Variants in TNRC6B observed in about 807,000 individuals in gnomAD.
The protein encoded by TNRC6B is trinucleotide repeat-containing gene 6B protein.
In TNRC6B, 52 loss-of-function variants were observed where a neutral mutation model predicts 203.6. The ratio of observed to expected loss-of-function variants is 0.26; its 90% CI spans 0.20 to 0.32. The LOEUF (loss-of-function observed/expected upper bound fraction) is 0.32. Among genes scored for constraint, TNRC6B ranks in the 10% least tolerant of loss-of-function variants. TNRC6B has a pLI of 1.00. For missense variants in TNRC6B, 1,923 were observed against 2,286.2 expected (o/e 0.84, Z 3.24); for synonymous variants, 838 against 845.7 (o/e 0.99, Z 0.16).
intron 9 of TNRC6B, among the ~76,000 whole-genome samples, chr22:40,278,729 T>C: frequency 6.6e-6 from 1 of 152,114 alleles, no homozygotes; most frequent in South Asian, 2.1e-4. Flanking sequence ...ACTGGCATTA[T>C]GATTTTTGTA....
intron 3 of TNRC6B, among the ~76,000 whole-genome samples, chr22:40,151,667 A>G (rs2068756786): frequency 6.6e-6 from 1 of 152,016 alleles, no homozygotes. Flanking sequence ...TCAAAGAACG[A>G]GGAAGAGCTC....
chr22:40,194,877 G>C lies in TNRC6B; in HGVS notation c.5+16737G>C, dbSNP rs185968887. 5.3e-3 allele frequency among the ~76,000 whole-genome samples: 807 copies of C among 152,338 alleles called. 2 individuals carry two copies. The highest frequency in any genetic ancestry group is 9.6e-3 in the Non-Finnish European group (656 of 68,040). ...AGGCGAACTGGTGTTTCCTGCTACA[G>C]AACACTGGTGCATCTGCAGTGGTTT... On this transcript the variant is annotated intron_variant, in intron 1 of 22. Transcript: ENST00000454349.
chr22:40,126,583 T>A lies in TNRC6B; in HGVS notation c.45+721T>A, dbSNP rs553151013. On this transcript the variant is annotated intron_variant, in intron 3 of 23. Coordinates refer to the TNRC6B transcript ENST00000301923. ...TTGCTACAAAGGACGTTATTTAATTTTTTTTTTTTTTTTTTTTTTTTTTTT... is the reference window on the plus strand; with the variant it reads ...TTGCTACAAAGGACGTTATTTAATTATTTTTTTTTTTTTTTTTTTTTTTTT... Among the ~76,000 whole-genome samples, 174 of 115,732 alleles carry A rather than the reference T, an allele frequency of 1.5e-3. 4 individuals carry two copies. The highest frequency in any genetic ancestry group is 8.3e-3 in the African/African-American group (160 of 19,176). 75.9% of individuals were successfully genotyped at this position (115,732 alleles called of 152,430 possible).
intron 1 of TNRC6B, among the ~76,000 whole-genome samples, chr22:40,091,539 T>A (rs1353889587): frequency 1.3e-5 from 2 of 152,216 alleles, no homozygotes; most frequent in Non-Finnish European, 2.9e-5. Context: ...GAATACTGGC[T>A]GATTACTTGA....
intron 9 of TNRC6B, among the ~76,000 whole-genome samples, chr22:40,279,693 C>G (rs985047535): frequency 2.6e-5 from 4 of 152,162 alleles, no homozygotes; most frequent in Admixed American, 6.5e-5. Flanking sequence ...GTTTTCTTAG[C>G]GAGATTTTTG....
chr22:40,284,407 T>G (rs2070757066), intron 11 of TNRC6B, among the ~76,000 whole-genome samples: 1 of 152,194 alleles, frequency 6.6e-6, no homozygotes, highest in Non-Finnish European at 1.5e-5. Flanking sequence ...TCCATGTGAT[T>G]CCAGGGTTAT....
intron 1 of TNRC6B, among the ~76,000 whole-genome samples, chr22:40,187,441 A>C (rs1468931871): frequency 6.6e-6 from 1 of 152,210 alleles, no homozygotes; most frequent in Non-Finnish European, 1.5e-5. Flanking sequence ...ACATTGGTAG[A>C]AGTTCCTAAA....
Position 40,266,365 on chromosome 22 carries a change from G to T in TNRC6B, c.2135G>T (p.Gly712Val). The T allele has an allele frequency of 6.2e-7, 1 of 1,612,304 alleles. No homozygotes were observed. Among genetic ancestry groups the T allele is most frequent in the South Asian group, 1.1e-5 (1 of 90,680 alleles). ...KNNNSSNWGGGRPDEKTPSSW... is the reference protein window; with the variant it reads ...KNNNSSNWGGVRPDEKTPSSW... ...AACAACTCTTCCAACTGGGGAGGAGGACGACCTGATGAAAAGACACCTTCC... is the reference window on the plus strand; with the variant it reads ...AACAACTCTTCCAACTGGGGAGGAGTACGACCTGATGAAAAGACACCTTCC... The change falls in exon 5 of 23, where the codon GGA becomes GTA. Residue 712 changes from glycine to valine, a missense_variant. This residue lies in a region of TNRC6B where 599 missense variants were observed against 656.5 expected (regional missense o/e 0.91). Transcript: ENST00000454349.
At position 40,148,088 on chromosome 22, in the gene TNRC6B, A is replaced by G. The variant is rs113902947; in HGVS notation, c.46-8027A>G. On this transcript the variant is annotated intron_variant, in intron 3 of 23. Transcript: ENST00000301923. ...TTAAATGGCCAAAAGACTTGAAGAC[A>G]CTACCAGAGAACAGATAGCAAAGGA... is the stretch of plus-strand genomic sequence containing the variant. Among the ~76,000 whole-genome samples, 51 of 152,306 alleles carry G rather than the reference A, an allele frequency of 3.3e-4. 2 individuals carry two copies. The highest frequency in any genetic ancestry group is 1.2e-3 in the African/African-American group (50 of 41,572).
chr22:40,290,122 C>A (rs739184), intron 12 of TNRC6B, among the ~76,000 whole-genome samples: 148,962 of 152,356 alleles, frequency 0.98, 72,842 homozygotes, highest in East Asian at 1. Context: ...GCCTGTCTCA[C>A]GTCTGAGTCA....
chr22:40,301,517 C>A (rs916412511), intron 15 of TNRC6B, 184 bp downstream of exon 15: 1 of 645,046 alleles, frequency 1.6e-6, no homozygotes, highest in Non-Finnish European at 2.6e-6. Flanking sequence ...CCAGAGCTCA[C>A]CACATGGTTA....
At chr22:40,213,298 C>G (rs2069589440) in intron 1 of TNRC6B, among the ~76,000 whole-genome samples, 1 of 152,104 alleles carries the variant, frequency 6.6e-6, no homozygotes, top group African/African-American at 2.4e-5. Flanking sequence ...GACACAAAGC[C>G]TGCAGTGAGA....
intron 1 of TNRC6B, among the ~76,000 whole-genome samples, chr22:40,098,555 A>C (rs1176908577): frequency 1.3e-5 from 2 of 152,120 alleles, no homozygotes; most frequent in Non-Finnish European, 2.9e-5. Context: ...TTTAATCAAA[A>C]TTGTTCTAAG....
intron 12 of TNRC6B, among the ~76,000 whole-genome samples, chr22:40,296,691 G>A (rs183200075): frequency 2.0e-5 from 3 of 150,404 alleles, no homozygotes; most frequent in Admixed American, 6.6e-5. Context: ...GCAGTGGCAC[G>A]ATCTTTGCTT....
chr22:40,277,050 C>T lies in TNRC6B; in HGVS notation c.3142-27C>T, dbSNP rs550744674. On this transcript the variant is annotated intron_variant, in intron 7 of 22. Coordinates refer to ENST00000454349, the MANE Select transcript of TNRC6B (RefSeq NM_001162501.2). Reference sequence around the variant, plus strand: ...GGAGGCTGAAATAAATTATTTGGTTCTGAGGTTCCGTGTTTCATTTCTGTA... The same window carrying T: ...GGAGGCTGAAATAAATTATTTGGTTTTGAGGTTCCGTGTTTCATTTCTGTA... 4 of 1,549,272 alleles carry T rather than the reference C, an allele frequency of 2.6e-6. No homozygotes were observed. The South Asian group carries it at 3.8e-5, about 15-fold the overall frequency.
At chr22:40,235,386 C>A (rs2069934077) in intron 1 of TNRC6B, among the ~76,000 whole-genome samples, 1 of 152,116 alleles carries the variant, frequency 6.6e-6, no homozygotes, top group South Asian at 2.1e-4. Context: ...TTTTTCTTTT[C>A]CTGCACATTC....
At chr22:40,173,890 A>ATC (rs2069030817), upstream of TNRC6B, among the ~76,000 whole-genome samples, 1 of 137,180 alleles carries the variant, frequency 7.3e-6, no homozygotes, top group Non-Finnish European at 1.5e-5. Context: ...TGCAACCACC[A>ATC]TCTCCCAGGT....
At chr22:40,188,966 A>G (rs990093410) in intron 1 of TNRC6B, among the ~76,000 whole-genome samples, 1 of 152,168 alleles carries the variant, frequency 6.6e-6, no homozygotes, top group Non-Finnish European at 1.5e-5. Flanking sequence ...CATGGTTTCA[A>G]AACATTTAGA....
At chr22:40,139,325 A>ATTT (rs562172960) in intron 3 of TNRC6B, among the ~76,000 whole-genome samples, 4 of 120,614 alleles carry the variant, frequency 3.3e-5, no homozygotes, top group African/African-American at 6.1e-5. Context: ...GGGTGTACGC[A>ATTT]TTTTTTTTTT....
Sources: gnomAD v4.1 joint callset for allele counts (sites outside exome capture counted in the v4.1 genomes callset) on GRCh38, gnomAD v4.1.1 for gene constraint, gnomAD v4.1.1 regional missense constraint, MANE v1.5 for transcripts, NCBI Gene and HGNC (gene_info 2026-07-23, HGNC 2026-07-21) for gene names.